Variants in KCNQ3 observed in about 807,000 individuals in gnomAD.
The protein encoded by KCNQ3 is potassium voltage-gated channel subfamily KQT member 3.
KCNQ3 carries 30 observed loss-of-function variants against 92.5 expected under a neutral mutation model. The ratio of observed to expected loss-of-function variants is 0.32; its 90% CI spans 0.24 to 0.44. The LOEUF (loss-of-function observed/expected upper bound fraction) is 0.44. Among genes scored for constraint, KCNQ3 ranks in the 20% least tolerant of loss-of-function variants. The probability of loss-of-function intolerance (pLI) is 1.00; values close to 1 mark genes in which losing one functional copy is unlikely to be tolerated. For synonymous variants in KCNQ3, 450 were observed against 468.8 expected (o/e 0.96, Z 0.52); for missense variants, 913 against 1,140.3 (o/e 0.80, Z 2.87).
chr8:132,431,619 G>A lies in KCNQ3; in HGVS notation c.386+48528C>T, dbSNP rs796138676. Reference sequence around the variant, plus strand: ...GGACCCCATGTAAACATATGTATGGGTTGAACTGTGGTTGGTGTGGTCCTT... The same window carrying A: ...GGACCCCATGTAAACATATGTATGGATTGAACTGTGGTTGGTGTGGTCCTT... On this transcript the variant is annotated intron_variant, in intron 1 of 14. Transcript: ENST00000388996. Among the ~76,000 whole-genome samples the A allele has an allele frequency of 1.8e-4, 26 of 144,044 alleles. 1 individual carries two copies. Among genetic ancestry groups the A allele is most frequent in the African/African-American group, 6.1e-4 (25 of 41,118 alleles). 94.5% of individuals were successfully genotyped at this position (144,044 alleles called of 152,430 possible).
At chr8:132,401,167 A>G (rs889399196) in intron 1 of KCNQ3, among the ~76,000 whole-genome samples, 3 of 152,146 alleles carry the variant, frequency 2.0e-5, no homozygotes, top group African/African-American at 7.2e-5. Flanking sequence ...ATCCATGAAC[A>G]AGGAGCCAGC....
intron 9 of KCNQ3, among the ~76,000 whole-genome samples, chr8:132,148,886 G>A (rs1825545322): frequency 6.6e-6 from 1 of 152,198 alleles, no homozygotes; most frequent in Non-Finnish European, 1.5e-5. Flanking sequence ...CTTTCCTGGT[G>A]TTCCAGCTTG....
intron 5 of KCNQ3, among the ~76,000 whole-genome samples, chr8:132,175,112 G>A (rs1826505091): frequency 6.6e-6 from 1 of 152,206 alleles, no homozygotes; most frequent in Admixed American, 6.5e-5. Context: ...GCACACACAG[G>A]TCTGTGTGAG....
chr8:132,224,184 C>T (rs2130348838), intron 1 of KCNQ3, among the ~76,000 whole-genome samples: 1 of 146,654 alleles, frequency 6.8e-6, no homozygotes, highest in Middle Eastern at 3.7e-3. Flanking sequence ...ATTCTCCCAC[C>T]TCAGCCTCCC....
chr8:132,271,031 A>G lies in KCNQ3; in HGVS notation c.387-84850T>C, dbSNP rs551989700. ...ACAAGGAGGAGTGATGTGGCTCCAC[A>G]TTCCAGCAAGCATGTATTGTGCCCT... On this transcript the variant is annotated intron_variant, in intron 1 of 14. Coordinates refer to ENST00000388996, the MANE Select transcript of KCNQ3 (RefSeq NM_004519.4). Among the ~76,000 whole-genome samples, 15 of 152,360 alleles carry G rather than the reference A, an allele frequency of 9.8e-5. No homozygotes were observed. The East Asian group carries it at 2.9e-3, about 29-fold the overall frequency.
intron 1 of KCNQ3, among the ~76,000 whole-genome samples, chr8:132,373,753 C>T (rs1488537074): frequency 6.6e-6 from 1 of 152,134 alleles, no homozygotes; most frequent in Admixed American, 6.5e-5. Flanking sequence ...GATACAGGTG[C>T]CCAGTGAGCT....
At chr8:132,361,441 T>G (rs868612860) in intron 1 of KCNQ3, among the ~76,000 whole-genome samples, 2 of 152,208 alleles carry the variant, frequency 1.3e-5, no homozygotes, top group Non-Finnish European at 2.9e-5. Flanking sequence ...AATAGAATAT[T>G]TTTTATCATC....
chr8:132,453,145 C>T (rs1223666806), intron 1 of KCNQ3, among the ~76,000 whole-genome samples: 1 of 152,042 alleles, frequency 6.6e-6, no homozygotes, highest in Non-Finnish European at 1.5e-5. Flanking sequence ...CTAGGAAGGG[C>T]CATGGTGATC....
Position 132,431,093 on chromosome 8 carries a change from C to A in KCNQ3, c.386+49054G>T, listed in dbSNP as rs1821238299. Among the ~76,000 whole-genome samples, 4 of 152,154 alleles carry A rather than the reference C, an allele frequency of 2.6e-5. No individual in the cohort carries two copies. In the South Asian group the frequency reaches 8.3e-4, roughly 32 times the overall value. On this transcript the variant is annotated intron_variant, in intron 1 of 14. Transcript: ENST00000388996. The stretch of plus-strand genomic sequence containing the variant: ...TCTTTGATTGCACTAGGCTCCAGAA[C>A]CTTCTCCAAGCAGTGCCAAGCCCAG...
chr8:132,325,282 T>G (rs1818011114), intron 1 of KCNQ3, among the ~76,000 whole-genome samples: 1 of 152,060 alleles, frequency 6.6e-6, no homozygotes, highest in South Asian at 2.1e-4. Context: ...GAGAGAAGTG[T>G]GTTGGGGGTC....
At chr8:132,406,670 T>C (rs891595618) in intron 1 of KCNQ3, among the ~76,000 whole-genome samples, 24 of 152,214 alleles carry the variant, frequency 1.6e-4, no homozygotes, top group South Asian at 1.2e-3. Context: ...ACTACCATGC[T>C]TTCTCAGTTC....
Position 132,367,945 on chromosome 8 carries a change from G to T in KCNQ3, c.386+112202C>A, listed in dbSNP as rs146752171. On this transcript the variant is annotated intron_variant, in intron 1 of 14. Transcript: ENST00000388996. ...AAACTTACTCACTGACAAATATTTT[G>T]ACATTCAGCTACTTAAATCCTGCAC... 5.3e-3 allele frequency among the ~76,000 whole-genome samples: 807 copies of T among 152,242 alleles called. 6 individuals are homozygous for T. Among genetic ancestry groups the T allele is most frequent in the African/African-American group, 0.017 (717 of 41,544 alleles).
intron 1 of KCNQ3, among the ~76,000 whole-genome samples, chr8:132,366,609 G>A (rs937324046): frequency 6.6e-6 from 1 of 151,950 alleles, no homozygotes; most frequent in Non-Finnish European, 1.5e-5. Flanking sequence ...TTGAATTAAG[G>A]TAAATATATT....
intron 1 of KCNQ3, among the ~76,000 whole-genome samples, chr8:132,228,890 T>C (rs1254902812): frequency 6.6e-6 from 1 of 152,058 alleles, no homozygotes; most frequent in Non-Finnish European, 1.5e-5. Context: ...ATCTTGCAGA[T>C]AAGAGGGAAC....
chr8:132,154,007 T>C (rs1825716491), intron 9 of KCNQ3, among the ~76,000 whole-genome samples: 1 of 151,796 alleles, frequency 6.6e-6, no homozygotes, highest in Admixed American at 6.6e-5. Flanking sequence ...ATGCCATTTT[T>C]TTTCCTTTTT....
intron 1 of KCNQ3, among the ~76,000 whole-genome samples, chr8:132,189,649 A>C (rs936231870): frequency 2.6e-5 from 4 of 152,004 alleles, no homozygotes; most frequent in African/African-American, 9.7e-5. Context: ...CAACGTGGAG[A>C]AACTCCATCT....
At chr8:132,295,563 A>T (rs1320734736) in intron 1 of KCNQ3, among the ~76,000 whole-genome samples, 1 of 152,198 alleles carries the variant, frequency 6.6e-6, no homozygotes, top group African/African-American at 2.4e-5. Context: ...AAATCATTCT[A>T]TTATAAAGAT....
intron 1 of KCNQ3, among the ~76,000 whole-genome samples, chr8:132,298,225 T>C (rs772579173): frequency 5.9e-5 from 9 of 152,124 alleles, no homozygotes; most frequent in Non-Finnish European, 8.8e-5. Flanking sequence ...GTGTTAAAAG[T>C]AGAATTCCTG....
intron 1 of KCNQ3, among the ~76,000 whole-genome samples, chr8:132,269,524 TCA>T (rs929953106): frequency 3.9e-5 from 6 of 152,226 alleles, no homozygotes; most frequent in Admixed American, 2.0e-4. Context: ...ACCAGCTCTC[TCA>T]GTGATTTTGG....
Sources: allele counts gnomAD v4.1 joint callset (sites outside exome capture counted in the v4.1 genomes callset), GRCh38; gene constraint gnomAD v4.1.1; transcripts MANE v1.5; gene names NCBI Gene and HGNC (gene_info 2026-07-23, HGNC 2026-07-21).